PALM2AKAP2: variants seen among roughly 807,000 people sequenced by gnomAD.
PALM2AKAP2 encodes the protein PALM2-AKAP2 fusion protein.
A neutral mutation model predicts 71.5 loss-of-function variants in PALM2AKAP2; 37 were observed. That is an observed-to-expected ratio of 0.52 (90% CI 0.40 to 0.68). The LOEUF is 0.68. PALM2AKAP2 is among the 30% of genes least tolerant of loss of function. The probability of loss-of-function intolerance (pLI) is 0.00; values close to 1 mark genes in which losing one functional copy is unlikely to be tolerated. For missense variants in PALM2AKAP2, 1,224 were observed against 1,191.8 expected, an observed-to-expected ratio of 1.03 and a Z score of -0.40; for synonymous variants, 468 against 478.8, an observed-to-expected ratio of 0.98 and a Z score of 0.29.
intron 1 of PALM2AKAP2, among the ~76,000 whole-genome samples, chr9:109,687,436 G>A (rs1189391822): frequency 6.6e-6 from 1 of 152,204 alleles, no homozygotes; most frequent in Non-Finnish European, 1.5e-5. Context: ...TTCTACAAGA[G>A]CACTTGCTAC....
At position 109,909,113 on chromosome 9, in the gene PALM2AKAP2, T is replaced by G. The variant is rs1358552439; in HGVS notation, c.258-14622T>G. On this transcript the variant is annotated intron_variant, in intron 3 of 9. Coordinates refer to the PALM2AKAP2 transcript ENST00000302798. ...ATGGTTTTATTTAGGTGAGAATAAATAAGAGTACCTCATAGTAGATAAGAA... is the reference window on the plus strand; with the variant it reads ...ATGGTTTTATTTAGGTGAGAATAAAGAAGAGTACCTCATAGTAGATAAGAA... 3.3e-5 allele frequency among the ~76,000 whole-genome samples: 5 copies of G among 150,702 alleles called. No individual in the cohort carries two copies. In the East Asian group the frequency reaches 9.9e-4, roughly 30 times the overall value.
At chr9:109,939,147 A>G (rs1013002359) in intron 6 of PALM2AKAP2, among the ~76,000 whole-genome samples, 7 of 152,156 alleles carry the variant, frequency 4.6e-5, no homozygotes, top group Non-Finnish European at 8.8e-5. Context: ...AGCATCATTT[A>G]CCACCACAAA....
chr9:110,147,787 C>A (rs900716045), intron 2 of PALM2AKAP2, among the ~76,000 whole-genome samples: 13 of 152,202 alleles, frequency 8.5e-5, no homozygotes, highest in African/African-American at 2.9e-4. Flanking sequence ...AAAGAAAAGG[C>A]CAGAAAGCCT....
At chr9:109,862,872 C>A in intron 1 of PALM2AKAP2, 1 of 509,440 alleles carries the variant, frequency 2.0e-6, no homozygotes, top group Admixed American at 2.0e-5. Flanking sequence ...AAGAACAAAA[C>A]TAAGAGGACA....
At chr9:109,866,694 G>T (rs139095591) in intron 1 of PALM2AKAP2, among the ~76,000 whole-genome samples, 1 of 152,072 alleles carries the variant, frequency 6.6e-6, no homozygotes, top group East Asian at 1.9e-4. Context: ...GGCCTTTTAC[G>T]TTACATCATC....
chr9:110,168,318 G>A, intron 3 of PALM2AKAP2, 81 bp from the exon 11 acceptor site: 1 of 1,522,656 alleles, frequency 6.6e-7, no homozygotes, highest in African/African-American at 1.4e-5. Context: ...AAAGAGAAAG[G>A]AAGAAAGAAA....
At chr9:109,666,905 A>G (rs1827493696) in intron 1 of PALM2AKAP2, among the ~76,000 whole-genome samples, 1 of 152,236 alleles carries the variant, frequency 6.6e-6, no homozygotes, top group African/African-American at 2.4e-5. Context: ...GAAGCAAGCA[A>G]CAGAAACCAG....
chr9:110,110,255 T>C (rs1412574371), intron 1 of PALM2AKAP2, among the ~76,000 whole-genome samples: 1 of 152,206 alleles, frequency 6.6e-6, no homozygotes, highest in Non-Finnish European at 1.5e-5. Context: ...GGACATTTAT[T>C]GAGGGCCTAG....
intron 7 of PALM2AKAP2, among the ~76,000 whole-genome samples, chr9:110,022,700 G>A (rs1396209495): frequency 2.0e-5 from 3 of 151,798 alleles, no homozygotes; most frequent in African/African-American, 7.3e-5. Context: ...TTAGCATTAG[G>A]TGTATCTCCT....
At chr9:109,896,385 A>G (rs1427663793) in intron 3 of PALM2AKAP2, among the ~76,000 whole-genome samples, 1 of 151,988 alleles carries the variant, frequency 6.6e-6, no homozygotes, top group Non-Finnish European at 1.5e-5. Flanking sequence ...ATATTAATAG[A>G]GTCTGGCAGG....
intron 7 of PALM2AKAP2, among the ~76,000 whole-genome samples, chr9:110,026,564 T>C (rs1833185389): frequency 2.0e-5 from 3 of 152,152 alleles, no homozygotes; most frequent in African/African-American, 4.8e-5. Context: ...ATCATCGTCA[T>C]CCATCCTTCT....
chr9:110,110,710 CT>C (rs1835229407), intron 1 of PALM2AKAP2, among the ~76,000 whole-genome samples: 2 of 151,940 alleles, frequency 1.3e-5, no homozygotes, highest in Non-Finnish European at 2.9e-5. Flanking sequence ...CCATCCCTGG[CT>C]AATTTTTGTA....
At chr9:110,049,527 G>T (rs1396126130) in intron 1 of PALM2AKAP2, among the ~76,000 whole-genome samples, 1 of 152,154 alleles carries the variant, frequency 6.6e-6, no homozygotes, top group Non-Finnish European at 1.5e-5. Context: ...CAGAAGTTTG[G>T]CCTGAGGCTG....
chr9:109,875,242 G>C (rs2131733362), intron 2 of PALM2AKAP2, among the ~76,000 whole-genome samples: 1 of 152,300 alleles, frequency 6.6e-6, no homozygotes. Flanking sequence ...CCGGATCTCA[G>C]ATCTCAGCTT....
chr9:109,870,938 A>C (rs749097644), intron 2 of PALM2AKAP2, among the ~76,000 whole-genome samples: 6 of 152,232 alleles, frequency 3.9e-5, no homozygotes, highest in Non-Finnish European at 5.9e-5. Context: ...AGAAAAAAAT[A>C]TTCTCCTTGC....
At chr9:110,145,883 T>C (rs1159564385) in intron 2 of PALM2AKAP2, among the ~76,000 whole-genome samples, 2 of 138,604 alleles carry the variant, frequency 1.4e-5, no homozygotes, top group African/African-American at 5.4e-5. Context: ...CCTGTCAGCC[T>C]CACTCTTCTT....
At chr9:110,046,132 T>C (rs1833592478), upstream of PALM2AKAP2, among the ~76,000 whole-genome samples, 1 of 152,086 alleles carries the variant, frequency 6.6e-6, no homozygotes. Context: ...AATGAGAAAA[T>C]GTTAATTAAA....
At chr9:109,931,828 C>A (rs534782072) in intron 5 of PALM2AKAP2, 99 bp from the exon 6 acceptor site, 79 of 1,334,458 alleles carry the variant, frequency 5.9e-5, no homozygotes, top group Non-Finnish European at 7.9e-5. Context: ...GCCGCCTCAG[C>A]GGTCCATTAT....
At chr9:109,994,370 G>A (rs1832535425) in intron 6 of PALM2AKAP2, among the ~76,000 whole-genome samples, 1 of 152,206 alleles carries the variant, frequency 6.6e-6, no homozygotes, top group African/African-American at 2.4e-5. Context: ...TCTGTAGTGG[G>A]TCCAGCCAAA....
Sources: allele counts gnomAD v4.1 joint callset (sites outside exome capture counted in the v4.1 genomes callset), GRCh38; gene constraint gnomAD v4.1.1; transcripts MANE v1.5; gene names NCBI Gene and HGNC (gene_info 2026-07-23, HGNC 2026-07-21).